RHBDF1: variants seen among roughly 807,000 people sequenced by gnomAD.
The protein encoded by RHBDF1 is rhomboid 5 homolog 1, also known as inactive rhomboid protein 1.
RHBDF1 carries 80 observed loss-of-function variants against 98.6 expected under a neutral mutation model. The observed-to-expected ratio is 0.81, with a 90% CI of 0.68 to 0.98. RHBDF1 has a LOEUF of 0.98. Ranked by LOEUF, RHBDF1 falls within the 50% of genes least tolerant of loss-of-function variation. The probability of loss-of-function intolerance (pLI) is 0.00; values close to 1 mark genes in which losing one functional copy is unlikely to be tolerated. For missense variants in RHBDF1, 1,116 were observed against 1,198.3 expected (o/e 0.93, Z 1.01); for synonymous variants, 512 against 486.8 (o/e 1.05, Z -0.68).
intron 3 of RHBDF1, chr16:64,228 C>T (rs952926718): frequency 1.3e-5 from 17 of 1,326,382 alleles, no homozygotes; most frequent in East Asian, 5.0e-5. Context: ...CAGCACCTGC[C>T]GTTAGGAGCC....
In RHBDF1 at chr16:59,127, C is replaced by G; in HGVS notation, c.1995G>C (p.Gly665=). The G allele has an allele frequency of 6.2e-7, 1 of 1,612,782 alleles. No individual in the cohort carries two copies. The highest frequency in any genetic ancestry group is 2.2e-5 in the East Asian group (1 of 44,860). The change falls in exon 17 of 18, where the codon GGG becomes GGC. Residue 665 remains glycine (G), a splice_region_variant and synonymous_variant. Transcript: ENST00000262316. The stretch of plus-strand genomic sequence containing the variant: ...AGATGGACACCAGGCAGTGCAAGAT[C>G]CTGTAGTCAGTAGCAGGCGGGGGTC... The part of the protein sequence containing the change: ...RLWLSLFLHA[G]ILHCLVSICF...
In RHBDF1 at chr16:62,976, C is replaced by G. The variant is rs1425363631; in HGVS notation, c.669G>C (p.Met223Ile). The change falls in exon 5 of 18, where the codon ATG becomes ATC. Residue 223 changes from methionine to isoleucine, a missense_variant. By Grantham distance (10) the Met-to-Ile change is conservative. Transcript: ENST00000262316. The stretch of plus-strand genomic sequence containing the variant: ...CGCCTTTGGCCCCTGCACCCACTTT[C>G]ATCAGCGCTGCGGCCGCCCGGAAGC... ...KMSFRAAAALMKGRSVRDGTF... is the reference protein window; with the variant it reads ...KMSFRAAAALIKGRSVRDGTF... 1 of 1,612,042 alleles carries G rather than the reference C, an allele frequency of 6.2e-7. No individual in the cohort carries two copies. The highest frequency in any genetic ancestry group is 1.3e-5 in the African/African-American group (1 of 74,922).
chr16:68,691 C>A (rs1277852522), intron 1 of RHBDF1, among the ~76,000 whole-genome samples: 1 of 152,152 alleles, frequency 6.6e-6, no homozygotes, highest in East Asian at 1.9e-4. Flanking sequence ...CTCGATGAGG[C>A]TGAGGGACGA....
At chr16:64,409 T>C (rs1050340274) in intron 3 of RHBDF1, 1 of 1,406,510 alleles carries the variant, frequency 7.1e-7, no homozygotes. Context: ...AGGGGCAGAG[T>C]GTGGACACGC....
intron 1 of RHBDF1, among the ~76,000 whole-genome samples, chr16:71,411 G>A (rs1051851357): frequency 6.6e-6 from 1 of 152,216 alleles, no homozygotes; most frequent in Non-Finnish European, 1.5e-5. Context: ...CCAGCCAGCT[G>A]CTTGGTCCCC....
chr16:72,640 G>T (rs1167263441), upstream of RHBDF1: 3 of 898,140 alleles, frequency 3.3e-6, no homozygotes, highest in Non-Finnish European at 3.8e-6. Context: ...GCCCTGGAGC[G>T]AGGGGCGTGC....
chr16:59,611 C>T (rs1251913084), intron 14 of RHBDF1, 117 bp from the exon 15 acceptor site: 6 of 1,472,578 alleles, frequency 4.1e-6, no homozygotes, highest in Non-Finnish European at 5.6e-6. Context: ...AGTCCAGACC[C>T]CCTCTAACCC....
rs1237334779 is a variant in RHBDF1 at position 61,897 on chromosome 16, G to A, written c.1109C>T (p.Pro370Leu). 11 of 1,606,702 alleles carry A rather than the reference G, an allele frequency of 6.8e-6. No individual in the cohort carries two copies. The highest frequency in any genetic ancestry group is 3.3e-5 in the Admixed American group (2 of 59,956). Residue 370 changes from proline (P) to leucine (L), a missense_variant, in exon 8 of 18, where the codon CCG becomes CTG. By Grantham distance (98) the Pro-to-Leu change is moderately conservative. Coordinates refer to ENST00000262316, the MANE Select transcript of RHBDF1 (RefSeq NM_022450.5). The stretch of plus-strand genomic sequence containing the variant: ...CCGTCCCACCATGCCCAGCCCATAC[G>A]GCCGCTTCTCCCGGGCGAAGAGCTT... The part of the protein sequence containing the change: ...VRKLFAREKR[P>L]YGLGMVGRLT...
At chr16:69,287 C>T (rs1472820564) in intron 1 of RHBDF1, among the ~76,000 whole-genome samples, 1 of 152,160 alleles carries the variant, frequency 6.6e-6, no homozygotes, top group East Asian at 1.9e-4. Context: ...TGTACTCAGG[C>T]CTGCCCTGCA....
At chr16:64,606 G>A in intron 3 of RHBDF1, 93 bp downstream of exon 3, 2 of 1,542,078 alleles carry the variant, frequency 1.3e-6, no homozygotes, top group African/African-American at 2.7e-5. Flanking sequence ...GAAACAAGAG[G>A]GCCCTTGTTC....
At position 61,133 on chromosome 16, in the gene RHBDF1, T is replaced by TCCGTCCC; in HGVS notation, c.1543_1544insGGGACGG (p.Glu515GlyfsTer44). The stretch of plus-strand genomic sequence containing the variant: ...GGGGAAACGCACCGAGCACTCCTCC[T>TCCGTCCC]CCGAGGTCTGCACGCAGCCCGACCT... On this transcript the variant is annotated frameshift_variant, in exon 11 of 18. Coordinates refer to ENST00000262316, the MANE Select transcript of RHBDF1 (RefSeq NM_022450.5). LOFTEE classifies it high-confidence loss of function. 2 of 1,533,620 alleles carry TCCGTCCC rather than the reference T, an allele frequency of 1.3e-6. No homozygotes were observed. Among genetic ancestry groups the TCCGTCCC allele is most frequent in the Non-Finnish European group, 1.8e-6 (2 of 1,142,674 alleles).
In RHBDF1 at chr16:61,929, C is replaced by G. The variant is rs751429564; in HGVS notation, c.1077G>C (p.Pro359=). The change falls in exon 8 of 18, where the codon CCG becomes CCC. Residue 359 remains proline (P), a synonymous_variant. Transcript: ENST00000262316. The part of the protein sequence containing the change: ...GPRRGQRIAV[P]VRKLFAREKR... The stretch of plus-strand genomic sequence containing the variant: ...TCTCCCGGGCGAAGAGCTTGCGCAC[C>G]GGCACCGCGATACGCTGGCCCCGTC... 1 of 1,600,614 alleles carries G rather than the reference C, an allele frequency of 6.2e-7. No individual in the cohort carries two copies. The highest frequency in any genetic ancestry group is 8.5e-7 in the Non-Finnish European group (1 of 1,179,472).
rs1285173045 is a variant in RHBDF1, at chr16:61,437, T to C, written c.1343A>G (p.Tyr448Cys). 1 of 1,612,378 alleles carries C rather than the reference T, an allele frequency of 6.2e-7. No individual in the cohort carries two copies. Among genetic ancestry groups the C allele is most frequent in the Non-Finnish European group, 8.5e-7 (1 of 1,179,776 alleles). The change falls in exon 10 of 18, where the codon TAC (tyrosine) becomes TGC (cysteine). Residue 448 changes from tyrosine to cysteine, a missense_variant. Tyr to Cys is a radical substitution (Grantham distance 194, BLOSUM62 -2). Transcript: ENST00000262316. ...VDSVLRNRGV[Y>C]ENVKYVQQEN... ...CTGCTGCACGTACTTGACGTTCTCG[T>C]AGACCCCGCGGTTCCGCAGCACCTG...
chr16:61,959 C>G lies in RHBDF1; in HGVS notation c.1047G>C (p.Gly349=), dbSNP rs752314587. The part of the protein sequence containing the change: ...RLRQEVVSTA[G]PRRGQRIAVP... ...CCGCGATACGCTGGCCCCGTCGCGG[C>G]CCCGCGGTGCTCACCACCTCCTGTC... The change falls in exon 8 of 18, where the codon GGG becomes GGC. Residue 349 remains glycine, a synonymous_variant. Transcript: ENST00000262316. 6.3e-7 allele frequency: 1 copy of G among 1,593,448 alleles called. No individual in the cohort carries two copies. The highest frequency in any genetic ancestry group is 1.1e-5 in the South Asian group (1 of 90,496).
chr16:61,849 T>C lies in RHBDF1; in HGVS notation c.1157A>G (p.Lys386Arg). ...GCGCTTGACGAAGCTGTCGATGCGC[T>C]TGCGGTAGGTGCGGTTGGTGAGCCG... ...VGRLTNRTYR[K>R]RIDSFVKRQI... is the part of the protein sequence containing the mutation. Residue 386 changes from lysine (K) to arginine (R), a missense_variant, in exon 8 of 18, where the codon AAG becomes AGG. Coordinates refer to ENST00000262316, the MANE Select transcript of RHBDF1 (RefSeq NM_022450.5). 1 of 1,611,926 alleles carries C rather than the reference T, an allele frequency of 6.2e-7. No individual in the cohort carries two copies. Among genetic ancestry groups the C allele is most frequent in the Non-Finnish European group, 8.5e-7 (1 of 1,179,802 alleles).
chr16:63,686 G>T lies in RHBDF1; in HGVS notation c.363C>A (p.Leu121=). 1 of 1,613,212 alleles carries T rather than the reference G, an allele frequency of 6.2e-7. No individual in the cohort carries two copies. The change falls in exon 4 of 18, where the codon CTC becomes CTA. Residue 121 remains leucine (L), a synonymous_variant. Transcript: ENST00000262316. ...CCTGGCTGGGCAGGTCCAGCTCCCG[G>T]AGGACCTGGGGCTTCAGCTTCCCGT... ...QRYGKLKPQV[L]RELDLPSQDN...
At chr16:73,932 G>A, upstream of RHBDF1, 1 of 985,266 alleles carries the variant, frequency 1.0e-6, no homozygotes, top group Non-Finnish European at 1.2e-6. Context: ...AGATCCCAGA[G>A]CCTGGGCAAG....
At chr16:66,610 G>A (rs1474749711) in intron 1 of RHBDF1, among the ~76,000 whole-genome samples, 2 of 152,134 alleles carry the variant, frequency 1.3e-5, no homozygotes, top group African/African-American at 2.4e-5. Context: ...GCCTTCTGCT[G>A]GCTCTTACCC....
At position 72,595 on chromosome 16, in the gene RHBDF1, C is replaced by T. The variant is rs1173033540; in HGVS notation, c.-107G>A. On this transcript the variant is annotated 5_prime_UTR_variant, in exon 1 of 18. Transcript: ENST00000262316. ...CTGGCCGGGAGGGCCCGCGCCGAGT[C>T]CCCGCCCGCCCGCCGGTCCGGCCCG... The T allele has an allele frequency of 1.0e-6, 1 of 972,232 alleles. No homozygotes were observed. The highest frequency in any genetic ancestry group is 1.8e-5 in the African/African-American group (1 of 56,250). 60.2% of individuals were successfully genotyped at this position (972,232 alleles called of 1,614,324 possible). A position where few individuals can be genotyped will look rare whatever the true frequency, so the allele number is the denominator to read the frequency against.
Sources: gnomAD v4.1 joint callset for allele counts (sites outside exome capture counted in the v4.1 genomes callset) on GRCh38, gnomAD v4.1.1 for gene constraint, MANE v1.5 for transcripts, NCBI Gene and HGNC (gene_info 2026-07-23, HGNC 2026-07-21) for gene names.